Variants in INPP4B observed in about 807,000 individuals in gnomAD.
The protein encoded by INPP4B is inositol polyphosphate 4-phosphatase type II.
A neutral mutation model predicts 122.5 loss-of-function variants in INPP4B; 55 were observed. The ratio of observed to expected loss-of-function variants is 0.45; its 90% CI spans 0.36 to 0.56. The LOEUF (loss-of-function observed/expected upper bound fraction) is 0.56. Ranked by LOEUF, INPP4B falls within the 20% of genes least tolerant of loss-of-function variation. The pLI is 0.00. For synonymous variants in INPP4B, 403 were observed against 388.7 expected (o/e 1.04, Z -0.43); for missense variants, 1,000 against 1,097.7 (o/e 0.91, Z 1.26).
intron 18 of INPP4B, among the ~76,000 whole-genome samples, chr4:142,132,925 T>C (rs1187062681): frequency 6.6e-6 from 1 of 152,218 alleles, no homozygotes; most frequent in Non-Finnish European, 1.5e-5. Context: ...CTCTTTCTTT[T>C]AACCCACTCT....
intron 1 of INPP4B, among the ~76,000 whole-genome samples, chr4:142,733,422 A>G (rs1766383442): frequency 6.6e-6 from 1 of 152,212 alleles, no homozygotes; most frequent in South Asian, 2.1e-4. Context: ...AAACTTTCAT[A>G]AATCAATAAG....
intron 1 of INPP4B, among the ~76,000 whole-genome samples, chr4:142,727,739 G>A (rs901146175): frequency 6.6e-6 from 1 of 152,076 alleles, no homozygotes; most frequent in African/African-American, 2.4e-5. Context: ...TTAGCCAGGT[G>A]TGGTGGTGCA....
intron 7 of INPP4B, chr4:142,384,107 A>G: frequency 1.4e-6 from 1 of 702,172 alleles, no homozygotes; most frequent in Non-Finnish European, 2.6e-6. Context: ...ATTCTGGATG[A>G]GTTAGCTATC....
intron 23 of INPP4B, among the ~76,000 whole-genome samples, chr4:142,104,370 C>T (rs1337712667): frequency 6.6e-6 from 1 of 151,992 alleles, no homozygotes; most frequent in Admixed American, 6.6e-5. Context: ...TTTAGGTAGG[C>T]ACAAAAGGGA....
chr4:142,687,737 T>C (rs973793331), intron 2 of INPP4B, among the ~76,000 whole-genome samples: 2 of 152,000 alleles, frequency 1.3e-5, no homozygotes, highest in African/African-American at 4.8e-5. Context: ...CCCTGATTAC[T>C]ATGAATGACA....
chr4:142,429,631 A>T (rs1808859853), intron 4 of INPP4B, among the ~76,000 whole-genome samples: 1 of 152,158 alleles, frequency 6.6e-6, no homozygotes, highest in East Asian at 1.9e-4. Flanking sequence ...TAAACAGTAA[A>T]TCAGTAACAA....
rs1730471902 is a variant in INPP4B at position 142,561,549 on chromosome 4, G to A, written c.-190-98823C>T. Reference sequence around the variant, plus strand: ...TTCTTCTGCCTCAGCCTCTGGAGTAGCTGGGACTACAAATGTGAGCCACCA... The same window carrying A: ...TTCTTCTGCCTCAGCCTCTGGAGTAACTGGGACTACAAATGTGAGCCACCA... On this transcript the variant is annotated intron_variant, in intron 2 of 25. Transcript: ENST00000262992. Among the ~76,000 whole-genome samples, 3 of 152,216 alleles carry A rather than the reference G, an allele frequency of 2.0e-5. 1 individual carries two copies. Among genetic ancestry groups the A allele is most frequent in the Non-Finnish European group, 4.4e-5 (3 of 68,010 alleles).
At chr4:142,061,928 ATATATATATAT>A (rs1332595242) in intron 25 of INPP4B, among the ~76,000 whole-genome samples, 22 of 115,326 alleles carry the variant, frequency 1.9e-4, no homozygotes, top group African/African-American at 7.6e-4. Context: ...ATATATATAT[ATATATATATAT>A]ATCTGTAACT....
chr4:142,484,413 T>C (rs898758655), intron 2 of INPP4B, among the ~76,000 whole-genome samples: 1 of 152,100 alleles, frequency 6.6e-6, no homozygotes, highest in African/African-American at 2.4e-5. Flanking sequence ...ATATAGCTTA[T>C]CTTTAAGGTT....
At chr4:142,609,241 T>C (rs927799961) in intron 2 of INPP4B, among the ~76,000 whole-genome samples, 1 of 151,658 alleles carries the variant, frequency 6.6e-6, no homozygotes, top group Non-Finnish European at 1.5e-5. Context: ...TTTATGTTTA[T>C]TGTAATTAAC....
intron 3 of INPP4B, among the ~76,000 whole-genome samples, chr4:142,441,697 T>A (rs192547432): frequency 6.6e-6 from 1 of 151,914 alleles, no homozygotes; most frequent in African/African-American, 2.4e-5. Flanking sequence ...AGAAGTTAGT[T>A]GGAAAAGGCA....
chr4:142,339,154 C>T (rs1246337795), intron 7 of INPP4B, among the ~76,000 whole-genome samples: 1 of 152,148 alleles, frequency 6.6e-6, no homozygotes, highest in East Asian at 1.9e-4. Flanking sequence ...AGTGATAATA[C>T]CTCTACCAAT....
intron 25 of INPP4B, among the ~76,000 whole-genome samples, chr4:142,045,066 T>C (rs765833921): frequency 6.6e-6 from 1 of 152,168 alleles, no homozygotes; most frequent in African/African-American, 2.4e-5. Flanking sequence ...TAACAATTAA[T>C]GTCAAAATAT....
At chr4:142,341,619 G>A (rs1349732004) in intron 7 of INPP4B, among the ~76,000 whole-genome samples, 1 of 152,108 alleles carries the variant, frequency 6.6e-6, no homozygotes. Flanking sequence ...TATGGCGAAG[G>A]TCATAGGATG....
At chr4:142,570,951 A>C (rs911347413) in intron 2 of INPP4B, among the ~76,000 whole-genome samples, 4 of 151,848 alleles carry the variant, frequency 2.6e-5, no homozygotes, top group African/African-American at 4.8e-5. Flanking sequence ...TGCATCTTAT[A>C]ATTGCCTTGC....
At chr4:142,658,405 C>G (rs78112530) in intron 2 of INPP4B, among the ~76,000 whole-genome samples, 1 of 151,700 alleles carries the variant, frequency 6.6e-6, no homozygotes, top group African/African-American at 2.4e-5. Context: ...ACTAAAGCAA[C>G]CTTTTTGACT....
chr4:142,091,816 G>T (rs1779676601), intron 23 of INPP4B, among the ~76,000 whole-genome samples: 1 of 152,216 alleles, frequency 6.6e-6, no homozygotes, highest in African/African-American at 2.4e-5. Context: ...TCACTGAACT[G>T]TGATGCTAAT....
chr4:142,274,828 T>G (rs1307780448), intron 9 of INPP4B, among the ~76,000 whole-genome samples: 1 of 151,362 alleles, frequency 6.6e-6, no homozygotes, highest in Non-Finnish European at 1.5e-5. Context: ...TCATTACCAC[T>G]GTTTAACGCA....
chr4:142,306,550 T>C (rs1018002306), intron 8 of INPP4B, among the ~76,000 whole-genome samples: 1 of 152,166 alleles, frequency 6.6e-6, no homozygotes, highest in Non-Finnish European at 1.5e-5. Flanking sequence ...TGGCATCTTT[T>C]TCGAGGTAAA....
Sources: allele counts gnomAD v4.1 joint callset (sites outside exome capture counted in the v4.1 genomes callset), GRCh38; gene constraint gnomAD v4.1.1; transcripts MANE v1.5; gene names NCBI Gene and HGNC (gene_info 2026-07-23, HGNC 2026-07-21).